The following TSC22D2 variants were observed in gnomAD, a reference collection of about 807,000 sequenced individuals.
TSC22D2 encodes the protein TSC22 domain family member 2, also known as TSC22 domain family protein 2.
A neutral mutation model predicts 50.1 loss-of-function variants in TSC22D2; 5 were observed. That is an observed-to-expected ratio of 0.10 (90% confidence interval 0.05 to 0.21). The LOEUF is 0.21. Among genes scored for constraint, TSC22D2 ranks in the 10% least tolerant of loss-of-function variants. The pLI is 1.00. For missense variants in TSC22D2, 1,003 were observed against 1,015.5 expected (o/e 0.99, Z 0.17); for synonymous variants, 501 against 450.1 (o/e 1.11, Z -1.43).
Position 150,461,277 on chromosome 3 carries a change from A to G in TSC22D2, c.*2641A>G, listed in dbSNP as rs897757590. 1 of 152,106 alleles carries G rather than the reference A, an allele frequency of 6.6e-6. No homozygotes were observed. Among genetic ancestry groups the G allele is most frequent in the Admixed American group, 6.5e-5 (1 of 15,268 alleles). The allele number at this position is 152,106 out of a possible 1,614,324, so 9.4% of individuals were successfully genotyped here. A position where few individuals can be genotyped will look rare whatever the true frequency, so the allele number is the denominator to read the frequency against. On this transcript the variant is annotated 3_prime_UTR_variant, in exon 3 of 3. Coordinates refer to ENST00000688009, the MANE Select transcript of TSC22D2 (RefSeq NM_001303264.2). ...TCCCCTCAAAATCCAAACTATCCCT[A>G]CTGTCAACCCTTCCCCCAGCTGATT... is the stretch of plus-strand genomic sequence containing the variant.
chr3:150,428,925 T>C (rs572571841), intron 1 of TSC22D2, among the ~76,000 whole-genome samples: 2 of 152,302 alleles, frequency 1.3e-5, no homozygotes, highest in South Asian at 4.1e-4. Flanking sequence ...TAACCAGGGA[T>C]GCTGATTTTA....
intron 1 of TSC22D2, among the ~76,000 whole-genome samples, chr3:150,438,952 T>C (rs1720632880): frequency 1.3e-5 from 2 of 152,170 alleles, no homozygotes; most frequent in South Asian, 4.1e-4. Context: ...AGTATTCTGC[T>C]TAGAAAAAAA....
At chr3:150,447,924 C>T (rs981916911) in intron 1 of TSC22D2, among the ~76,000 whole-genome samples, 2 of 151,954 alleles carry the variant, frequency 1.3e-5, no homozygotes, top group Non-Finnish European at 2.9e-5. Context: ...GGCTTACATC[C>T]CTTGGTATGT....
Position 150,411,323 on chromosome 3 carries a change from A to G in TSC22D2, c.1958+15A>G, listed in dbSNP as rs1338463104. Reference sequence around the variant, plus strand: ...GATGAAGACAGGTATGGAAATCTCTATTTTAAATATTTGATAGAAATGCTT... The same window carrying G: ...GATGAAGACAGGTATGGAAATCTCTGTTTTAAATATTTGATAGAAATGCTT... On this transcript the variant is annotated intron_variant, in intron 1 of 2. Coordinates refer to ENST00000688009, the MANE Select transcript of TSC22D2 (RefSeq NM_001303264.2). The G allele has an allele frequency of 6.4e-7, 1 of 1,574,102 alleles. No homozygotes were observed. The highest frequency in any genetic ancestry group is 1.9e-5 in the Admixed American group (1 of 54,008).
intron 1 of TSC22D2, among the ~76,000 whole-genome samples, chr3:150,456,187 T>A (rs545658277): frequency 6.8e-6 from 1 of 146,796 alleles, no homozygotes; most frequent in African/African-American, 2.7e-5. Context: ...TTTGTTTTTT[T>A]TTTTTTTGTT....
chr3:150,419,540 A>G (rs183881870), intron 1 of TSC22D2, among the ~76,000 whole-genome samples: 1 of 152,220 alleles, frequency 6.6e-6, no homozygotes, highest in Admixed American at 6.5e-5. Context: ...ATTAAGAGAA[A>G]GAGGTGTTTG....
Position 150,454,186 on chromosome 3 carries a change from G to A in TSC22D2, c.1959-2890G>A, listed in dbSNP as rs559236800. On this transcript the variant is annotated intron_variant, in intron 1 of 2. Transcript: ENST00000688009. ...AATCAAACAGCATCACAGAAGAGAT[G>A]GCACTGGAGCATCTTAAGGGACAGG... 1.4e-4 allele frequency among the ~76,000 whole-genome samples: 22 copies of A among 152,288 alleles called. No individual in the cohort carries two copies. In the South Asian group the frequency reaches 3.7e-3, roughly 26 times the overall value.
rs539237677 is a variant in TSC22D2, at chr3:150,427,078, C to G, written c.1958+15770C>G. Among the ~76,000 whole-genome samples the G allele has an allele frequency of 6.8e-4, 104 of 152,190 alleles. 1 individual carries two copies. The South Asian group carries it at 0.021, about 31-fold the overall frequency. ...ACAATTTATTTTGTTTTGCTCATCTCTAAGAATCTTGGGTCCATCATTAAC... is the reference window on the plus strand; with the variant it reads ...ACAATTTATTTTGTTTTGCTCATCTGTAAGAATCTTGGGTCCATCATTAAC... On this transcript the variant is annotated intron_variant, in intron 1 of 2. Coordinates refer to ENST00000688009, the MANE Select transcript of TSC22D2 (RefSeq NM_001303264.2).
rs371285313 is a variant in TSC22D2 at position 150,410,416 on chromosome 3, C to G, written c.1066C>G (p.Gln356Glu). The G allele has an allele frequency of 6.2e-7, 1 of 1,608,780 alleles. No homozygotes were observed. The highest frequency in any genetic ancestry group is 1.3e-5 in the African/African-American group (1 of 74,452). The stretch of plus-strand genomic sequence containing the variant: ...CGCCCCCGCGGCGCAGCAGCCCCAG[C>G]AGTTCGCGTATCCTCAGCCTCAGAT... Reference protein sequence around the residue: ...VGAPAAQQPQQFAYPQPQIPP... With the variant: ...VGAPAAQQPQEFAYPQPQIPP... The change falls in exon 1 of 3, where the codon CAG becomes GAG. Residue 356 changes from glutamine to glutamate, a missense_variant. Transcript: ENST00000688009.
intron 1 of TSC22D2, among the ~76,000 whole-genome samples, chr3:150,425,609 C>T (rs913038032): frequency 1.3e-5 from 2 of 152,082 alleles, no homozygotes; most frequent in South Asian, 2.1e-4. Flanking sequence ...AAATTTGTCT[C>T]GCTATTACTA....
chr3:150,419,214 G>C lies in TSC22D2; in HGVS notation c.1958+7906G>C, dbSNP rs187343941. Among the ~76,000 whole-genome samples the C allele has an allele frequency of 6.0e-4, 92 of 152,136 alleles. No homozygotes were observed. In the East Asian group the frequency reaches 0.015, roughly 24 times the overall value. On this transcript the variant is annotated intron_variant, in intron 1 of 2. Transcript: ENST00000688009. ...CTTTCTTATGGATTAAGGAAACTGA[G>C]ACTCTTAAAATTTGAGTCACCTAGG...
At position 150,462,699 on chromosome 3, in the gene TSC22D2, T is replaced by G. The variant is rs1314371115; in HGVS notation, c.*4063T>G. On this transcript the variant is annotated 3_prime_UTR_variant, in exon 3 of 3. Transcript: ENST00000688009. ...CTCAGGCTGGAGTGCAGTGGCAAGA[T>G]CTCGGCTCACTGCAACCTCCGCCTC... The G allele has an allele frequency of 6.8e-6, 1 of 147,126 alleles. No individual in the cohort carries two copies. Among genetic ancestry groups the G allele is most frequent in the Non-Finnish European group, 1.5e-5 (1 of 67,522 alleles). The allele number at this position is 147,126 out of a possible 1,614,324, so 9.1% of individuals were successfully genotyped here. A position where few individuals can be genotyped will look rare whatever the true frequency, so the allele number is the denominator to read the frequency against.
In TSC22D2 at chr3:150,460,954, T is replaced by A. The variant is rs1285287095; in HGVS notation, c.*2318T>A. On this transcript the variant is annotated 3_prime_UTR_variant, in exon 3 of 3. Coordinates refer to ENST00000688009, the MANE Select transcript of TSC22D2 (RefSeq NM_001303264.2). ...AAACAGTAGAAAAGGAGAGAAAATATGGGTAGTTCACAGAAGAGATAAATG... is the reference window on the plus strand; with the variant it reads ...AAACAGTAGAAAAGGAGAGAAAATAAGGGTAGTTCACAGAAGAGATAAATG... 6.6e-6 allele frequency: 1 copy of A among 152,166 alleles called. No individual in the cohort carries two copies. The highest frequency in any genetic ancestry group is 1.5e-5 in the Non-Finnish European group (1 of 68,022). 9.4% of individuals were successfully genotyped at this position (152,166 alleles called of 1,614,324 possible).
chr3:150,443,980 G>A (rs1276854868), intron 1 of TSC22D2, among the ~76,000 whole-genome samples: 2 of 152,226 alleles, frequency 1.3e-5, no homozygotes, highest in Non-Finnish European at 2.9e-5. Flanking sequence ...AGTTTCACTG[G>A]CCATGGCAGC....
At chr3:150,451,103 C>G (rs996718578) in intron 1 of TSC22D2, among the ~76,000 whole-genome samples, 1 of 152,032 alleles carries the variant, frequency 6.6e-6, no homozygotes, top group Non-Finnish European at 1.5e-5. Context: ...AATTTACCAA[C>G]TTAAAGGAGT....
At position 150,459,461 on chromosome 3, in the gene TSC22D2, A is replaced by G. The variant is rs1442421642; in HGVS notation, c.*825A>G. ...ATTGCCACGATTCCTCTGCTTTTCA[A>G]CATTTCGTATGACTTTTTTTTCGGG... On this transcript the variant is annotated 3_prime_UTR_variant, in exon 3 of 3. Coordinates refer to ENST00000688009, the MANE Select transcript of TSC22D2 (RefSeq NM_001303264.2). 6.6e-6 allele frequency: 1 copy of G among 152,498 alleles called. No homozygotes were observed. The highest frequency in any genetic ancestry group is 1.9e-4 in the East Asian group (1 of 5,204). The allele number at this position is 152,498 out of a possible 1,614,324, so 9.4% of individuals were successfully genotyped here. A position where few individuals can be genotyped will look rare whatever the true frequency, so the allele number is the denominator to read the frequency against.
Position 150,409,788 on chromosome 3 carries a change from A to G in TSC22D2, c.438A>G (p.Pro146=), listed in dbSNP as rs773051287. The part of the protein sequence containing the change: ...GPQLAGSSAG[P]VTAAPSQPPT... ...AGCTCGCGGGCTCATCCGCCGGGCC[A>G]GTGACTGCAGCCCCATCTCAGCCTC... The change falls in exon 1 of 3, where the codon CCA becomes CCG. Residue 146 remains proline (P), a synonymous_variant. Coordinates refer to ENST00000688009, the MANE Select transcript of TSC22D2 (RefSeq NM_001303264.2). This position sits in a 1 kb window ranked among gnomAD's most constrained non-coding sequence, Gnocchi z 7.4. The G allele has an allele frequency of 5.7e-5, 91 of 1,602,688 alleles. No individual in the cohort carries two copies. Among genetic ancestry groups the G allele is most frequent in the Non-Finnish European group, 7.6e-5 (90 of 1,179,804 alleles).
chr3:150,454,299 T>C (rs1210179640), intron 1 of TSC22D2, among the ~76,000 whole-genome samples: 2 of 152,134 alleles, frequency 1.3e-5, no homozygotes, highest in Non-Finnish European at 2.9e-5. Flanking sequence ...AGAGAACATA[T>C]GTTCCACAGA....
At position 150,454,798 on chromosome 3, in the gene TSC22D2, A is replaced by G. The variant is rs1018914508; in HGVS notation, c.1959-2278A>G. 3.9e-5 allele frequency among the ~76,000 whole-genome samples: 6 copies of G among 152,226 alleles called. No individual in the cohort carries two copies. The South Asian group carries it at 1.2e-3, about 32-fold the overall frequency. On this transcript the variant is annotated intron_variant, in intron 1 of 2. Coordinates refer to ENST00000688009, the MANE Select transcript of TSC22D2 (RefSeq NM_001303264.2). ...TTGAAATATTAACACCATTTAAGGG[A>G]TACATCTTCATCATGATCTATTTAT... is the stretch of plus-strand genomic sequence containing the variant.
Sources: allele counts gnomAD v4.1 joint callset (sites outside exome capture counted in the v4.1 genomes callset), GRCh38; gene constraint gnomAD v4.1.1; non-coding constraint Gnocchi (gnomAD v3.1); transcripts MANE v1.5; gene names NCBI Gene and HGNC (gene_info 2026-07-23, HGNC 2026-07-21).